Variants in TLK1 observed in about 807,000 individuals in gnomAD.
TLK1 encodes serine/threonine-protein kinase tousled-like 1.
TLK1 carries 24 observed loss-of-function variants against 105.3 expected under a neutral mutation model. That is an observed-to-expected ratio of 0.23 (90% CI 0.17 to 0.32). TLK1 has a LOEUF of 0.32. Ranked by LOEUF, TLK1 falls within the 10% of genes least tolerant of loss-of-function variation. The pLI, the probability that TLK1 is intolerant of heterozygous loss-of-function variation, is 1.00. For synonymous variants in TLK1, 321 were observed against 310.4 expected, an observed-to-expected ratio of 1.03 and a Z score of -0.36; for missense variants, 558 against 910.5, an observed-to-expected ratio of 0.61 and a Z score of 4.98.
At chr2:171,075,904 C>T (rs948048824) in intron 3 of TLK1, among the ~76,000 whole-genome samples, 3 of 152,104 alleles carry the variant, frequency 2.0e-5, no homozygotes, top group Non-Finnish European at 2.9e-5. Context: ...GAAACTTACT[C>T]CCCGTAGTAA....
intron 18 of TLK1, among the ~76,000 whole-genome samples, chr2:170,998,152 TG>T (rs1404257820): frequency 3.3e-5 from 5 of 152,056 alleles, no homozygotes; most frequent in African/African-American, 7.2e-5. Flanking sequence ...GAGATTACAA[TG>T]GTCTTATTTG....
intron 10 of TLK1, 91 bp from the exon 11 acceptor site, chr2:171,046,453 C>G (rs890474086): frequency 1.8e-5 from 25 of 1,365,712 alleles, no homozygotes; most frequent in Non-Finnish European, 9.8e-7. Context: ...CATGAAAAAC[C>G]ATAAAATATA....
intron 2 of TLK1, among the ~76,000 whole-genome samples, chr2:171,095,669 G>T (rs1224534015): frequency 6.6e-6 from 1 of 151,590 alleles, no homozygotes; most frequent in African/African-American, 2.4e-5. Flanking sequence ...GAAATGCAAG[G>T]GTGGTTCAAC....
At chr2:171,084,128 T>A (rs539305432) in intron 2 of TLK1, among the ~76,000 whole-genome samples, 5 of 152,134 alleles carry the variant, frequency 3.3e-5, no homozygotes, top group South Asian at 2.1e-4. Context: ...AGATAATGTA[T>A]GGTATCATTA....
intron 3 of TLK1, among the ~76,000 whole-genome samples, chr2:171,071,704 T>C (rs1688264921): frequency 6.6e-6 from 1 of 152,320 alleles, no homozygotes; most frequent in South Asian, 2.1e-4. Flanking sequence ...AGTTTCACAG[T>C]TTGAGGTCTT....
At chr2:171,031,410 A>G (rs570741631) in intron 11 of TLK1, among the ~76,000 whole-genome samples, 2 of 152,352 alleles carry the variant, frequency 1.3e-5, no homozygotes, top group African/African-American at 4.8e-5. Flanking sequence ...GCTTTTAATT[A>G]TCAATACTTT....
At chr2:171,206,738 T>G (rs2105323111) in intron 1 of TLK1, among the ~76,000 whole-genome samples, 1 of 152,282 alleles carries the variant, frequency 6.6e-6, no homozygotes, top group African/African-American at 2.4e-5. Context: ...AAAACCTAAC[T>G]ATAAAAAGGG....
intron 1 of TLK1, among the ~76,000 whole-genome samples, chr2:171,142,032 GT>G (rs1691597893): frequency 6.6e-6 from 1 of 152,126 alleles, no homozygotes; most frequent in East Asian, 1.9e-4. Context: ...TACAGTTAAT[GT>G]TTTCTAATGT....
intron 11 of TLK1, among the ~76,000 whole-genome samples, chr2:171,044,550 A>G (rs1230252057): frequency 2.0e-5 from 3 of 152,220 alleles, no homozygotes; most frequent in Non-Finnish European, 4.4e-5. Context: ...AGACAGAAGT[A>G]TCCGATACTC....
intron 1 of TLK1, among the ~76,000 whole-genome samples, chr2:171,169,133 T>C (rs1692675362): frequency 6.6e-6 from 1 of 152,162 alleles, no homozygotes; most frequent in Non-Finnish European, 1.5e-5. Context: ...GGAATCTATC[T>C]GGAAGAAACA....
At chr2:171,137,008 T>C (rs547677512) in intron 1 of TLK1, among the ~76,000 whole-genome samples, 1 of 152,336 alleles carries the variant, frequency 6.6e-6, no homozygotes, top group East Asian at 1.9e-4. Context: ...CAAGCACCTG[T>C]CGTAGTTGTG....
At chr2:171,069,016 A>C (rs1688135819) in intron 3 of TLK1, among the ~76,000 whole-genome samples, 1 of 152,244 alleles carries the variant, frequency 6.6e-6, no homozygotes, top group Non-Finnish European at 1.5e-5. Flanking sequence ...TGCTTTAAAA[A>C]TCCAGTCTAA....
rs533259607 is a variant in TLK1, at chr2:170,993,460, T to C, written c.*320A>G. On this transcript the variant is annotated 3_prime_UTR_variant, in exon 21 of 21. Coordinates refer to ENST00000431350, the MANE Select transcript of TLK1 (RefSeq NM_012290.5). ...AAATGTATTTAAGTATTATAAACGT[T>C]ATTTACAGTGTTCCCCCAAATAAAC... 4.7e-6 allele frequency: 1 copy of C among 211,202 alleles called. No homozygotes were observed. The highest frequency in any genetic ancestry group is 1.1e-4 in the East Asian group (1 of 9,270). 13.1% of individuals were successfully genotyped at this position (211,202 alleles called of 1,614,324 possible).
At chr2:171,017,013 C>T (rs979957238) in intron 12 of TLK1, among the ~76,000 whole-genome samples, 32 of 152,074 alleles carry the variant, frequency 2.1e-4, no homozygotes, top group Non-Finnish European at 1.9e-4. Flanking sequence ...TTAACAGCTT[C>T]GGTCACATAT....
intron 1 of TLK1, among the ~76,000 whole-genome samples, chr2:171,132,410 C>T (rs1246542475): frequency 6.6e-6 from 1 of 152,052 alleles, no homozygotes; most frequent in Non-Finnish European, 1.5e-5. Context: ...ACCATATCAA[C>T]AGTAGTCATA....
At chr2:171,076,043 C>A (rs1393140307) in intron 3 of TLK1, among the ~76,000 whole-genome samples, 52 of 152,218 alleles carry the variant, frequency 3.4e-4, no homozygotes, top group Admixed American at 5.9e-4. Context: ...CATGGTGAAA[C>A]CCTGTCTCCA....
intron 11 of TLK1, among the ~76,000 whole-genome samples, chr2:171,030,862 G>C (rs775753662): frequency 6.6e-6 from 1 of 151,996 alleles, no homozygotes; most frequent in Non-Finnish European, 1.5e-5. Flanking sequence ...TGAAATTTTT[G>C]TCCTACCAAG....
intron 3 of TLK1, among the ~76,000 whole-genome samples, chr2:171,065,598 C>T (rs561871148): frequency 1.6e-4 from 25 of 151,556 alleles, no homozygotes; most frequent in African/African-American, 6.1e-4. Context: ...AGTGCAGCGG[C>T]GCAATCTCAG....
intron 4 of TLK1, among the ~76,000 whole-genome samples, chr2:171,059,762 C>T (rs1227212688): frequency 1.3e-5 from 2 of 152,144 alleles, no homozygotes; most frequent in Non-Finnish European, 2.9e-5. Context: ...ACGGTTCCAC[C>T]TCAGATCATC....
Sources: gnomAD v4.1 joint callset for allele counts (sites outside exome capture counted in the v4.1 genomes callset) on GRCh38, gnomAD v4.1.1 for gene constraint, MANE v1.5 for transcripts, NCBI Gene and HGNC (gene_info 2026-07-23, HGNC 2026-07-21) for gene names.